The following CEP83 variants were observed in gnomAD, a reference collection of about 807,000 sequenced individuals.
CEP83 encodes centrosomal protein 83.
CEP83 carries 70 observed loss-of-function variants against 101.9 expected under a neutral mutation model. That is an observed-to-expected ratio of 0.69 (90% CI 0.57 to 0.84). CEP83 has a LOEUF of 0.84. Among genes scored for constraint, CEP83 ranks in the 40% least tolerant of loss-of-function variants. The probability of loss-of-function intolerance (pLI) is 0.00; values close to 1 mark genes in which losing one functional copy is unlikely to be tolerated. For missense variants in CEP83, 715 were observed against 787.2 expected (o/e 0.91, Z 1.10); for synonymous variants, 264 against 267.9 (o/e 0.99, Z 0.14).
At chr12:94,451,467 CAAAAA>C (rs34200750) in intron 1 of CEP83, among the ~76,000 whole-genome samples, 1 of 102,664 alleles carries the variant, frequency 9.7e-6, no homozygotes. Flanking sequence ...TCAGTAAGAC[CAAAAA>C]AAAAAAAAAA....
At chr12:94,353,432 T>C (rs1238951809) in intron 11 of CEP83, among the ~76,000 whole-genome samples, 1 of 152,090 alleles carries the variant, frequency 6.6e-6, no homozygotes, top group Non-Finnish European at 1.5e-5. Context: ...AGCAGATAGA[T>C]ATACAAATGA....
intron 7 of CEP83, among the ~76,000 whole-genome samples, chr12:94,376,690 TACACACACACACACACAC>T (rs533315599): frequency 4.7e-4 from 55 of 117,390 alleles, no homozygotes; most frequent in African/African-American, 1.7e-3. Flanking sequence ...TATACATATA[TACACACACACACACACAC>T]ACACACACAC....
At chr12:94,451,467 CA>C (rs34200750) in intron 1 of CEP83, among the ~76,000 whole-genome samples, 50,554 of 102,580 alleles carry the variant, frequency 0.49, 9,468 homozygotes, top group Non-Finnish European at 0.52. Context: ...TCAGTAAGAC[CA>C]AAAAAAAAAA....
At position 94,368,356 on chromosome 12, in the gene CEP83, ACT is replaced by A; in HGVS notation, c.1049-157_1049-156del. On this transcript the variant is annotated intron_variant, in intron 9 of 16. Transcript: ENST00000397809. ...AACAATACTCACATCATTAATAAAC[ACT>A]CTTAAAATAAGAATGAAACAGGCTA... The A allele has an allele frequency of 5.1e-6, 3 of 593,738 alleles. No individual in the cohort carries two copies. The African/African-American group carries it at 5.6e-5, about 11-fold the overall frequency. The allele number at this position is 593,738 out of a possible 1,614,324, so 36.8% of individuals were successfully genotyped here.
intron 6 of CEP83, among the ~76,000 whole-genome samples, chr12:94,389,229 CTCTATT>C (rs2062361787): frequency 6.6e-6 from 1 of 152,178 alleles, no homozygotes; most frequent in African/African-American, 2.4e-5. Context: ...GGTCTCCTGT[CTCTATT>C]TCTTTCTTTC....
At chr12:94,352,946 T>C (rs940634135) in intron 11 of CEP83, among the ~76,000 whole-genome samples, 6 of 152,156 alleles carry the variant, frequency 3.9e-5, no homozygotes, top group African/African-American at 1.2e-4. Context: ...ATCATAACTG[T>C]AGAGTTCCCA....
chr12:94,353,153 C>T (rs563330146), intron 11 of CEP83, among the ~76,000 whole-genome samples: 2 of 152,204 alleles, frequency 1.3e-5, no homozygotes, highest in African/African-American at 4.8e-5. Flanking sequence ...GCAGATTTCT[C>T]AAGAGAAACC....
intron 2 of CEP83, among the ~76,000 whole-genome samples, chr12:94,434,728 G>C (rs997891173): frequency 2.0e-5 from 3 of 152,170 alleles, no homozygotes; most frequent in Non-Finnish European, 4.4e-5. Context: ...GGGATGGGAC[G>C]CAAGTCTAAA....
chr12:94,280,655 G>T, the CEP83 span, among the ~76,000 whole-genome samples: 2 of 152,158 alleles, frequency 1.3e-5, no homozygotes, highest in East Asian at 3.8e-4. Context: ...TTAGATACAG[G>T]ATCAAAGGGG....
chr12:94,405,640 C>T (rs886909294), intron 4 of CEP83, among the ~76,000 whole-genome samples: 78 of 152,170 alleles, frequency 5.1e-4, no homozygotes, highest in African/African-American at 1.8e-3. Context: ...AAAGAACAGA[C>T]AAAAATTAAA....
chr12:94,336,774 C>T (rs1267165748), intron 11 of CEP83, among the ~76,000 whole-genome samples: 1 of 151,962 alleles, frequency 6.6e-6, no homozygotes, highest in African/African-American at 2.4e-5. Context: ...CTCATTCAAA[C>T]TTTCTGTGCA....
intron 7 of CEP83, 124 bp downstream of exon 7, chr12:94,378,667 G>A: frequency 2.0e-6 from 2 of 1,016,746 alleles, no homozygotes; most frequent in Non-Finnish European, 2.9e-6. Context: ...AATACTCTTG[G>A]GATTACACAA....
At chr12:94,321,866 A>T (rs958557873) in intron 14 of CEP83, among the ~76,000 whole-genome samples, 4 of 151,926 alleles carry the variant, frequency 2.6e-5, no homozygotes, top group South Asian at 2.1e-4. Flanking sequence ...CTCAGTGAGG[A>T]GATATAGAAT....
chr12:94,411,281 A>T (rs1325531125), intron 4 of CEP83, among the ~76,000 whole-genome samples: 1 of 152,152 alleles, frequency 6.6e-6, no homozygotes, highest in Non-Finnish European at 1.5e-5. Context: ...AATTATGTTC[A>T]CATACTGTTT....
chr12:94,268,655 C>A, the CEP83 span, among the ~76,000 whole-genome samples: 1 of 133,168 alleles, frequency 7.5e-6, no homozygotes. Context: ...AGTGCAGTGG[C>A]GCAGTCTTGG....
At chr12:94,305,423 A>C (rs932213326), downstream of CEP83, 3 of 608,560 alleles carry the variant, frequency 4.9e-6, no homozygotes, top group Non-Finnish European at 5.9e-6. Flanking sequence ...TAAGAGACCA[A>C]GGCACATGCA....
intron 8 of CEP83, among the ~76,000 whole-genome samples, chr12:94,373,005 CTTTTCTATGAGTAA>C (rs1030734388): frequency 2.0e-5 from 3 of 152,140 alleles, no homozygotes; most frequent in African/African-American, 7.2e-5. Flanking sequence ...AATAATAGCA[CTTTTCTATGAGTAA>C]TCTGAACCAA....
At chr12:94,342,266 C>G (rs1036949391) in intron 11 of CEP83, among the ~76,000 whole-genome samples, 2 of 152,150 alleles carry the variant, frequency 1.3e-5, no homozygotes, top group African/African-American at 2.4e-5. Context: ...AAAAGCCACT[C>G]AAACTTTATA....
intron 11 of CEP83, among the ~76,000 whole-genome samples, chr12:94,349,672 G>T (rs991736087): frequency 5.9e-5 from 9 of 152,142 alleles, no homozygotes; most frequent in Non-Finnish European, 7.3e-5. Context: ...CATAAGCAAT[G>T]GTGAGAGACT....
Sources: allele counts gnomAD v4.1 joint callset (sites outside exome capture counted in the v4.1 genomes callset), GRCh38; gene constraint gnomAD v4.1.1; transcripts MANE v1.5; gene names NCBI Gene and HGNC (gene_info 2026-07-23, HGNC 2026-07-21).